SEC16B: variants seen among roughly 807,000 people sequenced by gnomAD.
SEC16B encodes the protein SEC16 homolog B, endoplasmic reticulum export factor, also known as protein transport protein Sec16B.
In SEC16B, 115 loss-of-function variants were observed where a neutral mutation model predicts 141.8. The ratio of observed to expected loss-of-function variants is 0.81; its 90% CI spans 0.70 to 0.95. The LOEUF (loss-of-function observed/expected upper bound fraction) is 0.95, where lower values mean the gene tolerates loss of function less well. Ranked by LOEUF, SEC16B falls within the 40% of genes least tolerant of loss-of-function variation. SEC16B has a pLI of 0.00. For synonymous variants in SEC16B, 493 were observed against 492.5 expected (o/e 1.00, Z -0.01); for missense variants, 1,291 against 1,312.3 (o/e 0.98, Z 0.25).
At chr1:177,936,589 A>T (rs747585908) in intron 19 of SEC16B, among the ~76,000 whole-genome samples, 3 of 151,884 alleles carry the variant, frequency 2.0e-5, no homozygotes, top group Non-Finnish European at 2.9e-5. Context: ...TTCCAAAGCC[A>T]CTCTTCAGGA....
At chr1:177,974,748 T>C (rs1338240971), upstream of SEC16B, among the ~76,000 whole-genome samples, 7 of 152,104 alleles carry the variant, frequency 4.6e-5, no homozygotes, top group African/African-American at 1.7e-4. Flanking sequence ...AAGAAAAGGG[T>C]TGGGGCTACC....
chr1:177,952,471 G>A (rs1320750092), intron 11 of SEC16B, among the ~76,000 whole-genome samples: 8 of 152,168 alleles, frequency 5.3e-5, no homozygotes, highest in Admixed American at 3.9e-4. Context: ...TGGGTCTGTA[G>A]TGCTTTTGCT....
At chr1:177,961,255 C>T in intron 6 of SEC16B, 1 of 432,824 alleles carries the variant, frequency 2.3e-6, no homozygotes, top group Non-Finnish European at 4.1e-6. Context: ...GACAAAGTTC[C>T]TACATCCAGA....
intron 1 of SEC16B, among the ~76,000 whole-genome samples, chr1:177,978,278 A>C (rs1257422062): frequency 6.6e-6 from 1 of 152,256 alleles, no homozygotes; most frequent in Non-Finnish European, 1.5e-5. Flanking sequence ...TGTACTGTGC[A>C]TGGCCTGTAG....
chr1:177,932,792 T>C lies in SEC16B; in HGVS notation c.2838A>G (p.Ala946=). The C allele has an allele frequency of 6.2e-7, 1 of 1,612,064 alleles. No individual in the cohort carries two copies. Among genetic ancestry groups the C allele is most frequent in the Non-Finnish European group, 8.5e-7 (1 of 1,179,342 alleles). ...DSPDSEETPR[A]SSPHQAGLGL... ...CCAGGCCAGCCTGGTGGGGAGAAGATGCTCTGGGGGTCTCCTGCTTTGTGG... is the reference window on the plus strand; with the variant it reads ...CCAGGCCAGCCTGGTGGGGAGAAGACGCTCTGGGGGTCTCCTGCTTTGTGG... The change falls in exon 23 of 26, where the codon GCA becomes GCG. Residue 946 remains alanine, a synonymous_variant. Transcript: ENST00000308284.
chr1:177,930,016 C>A, intron 25 of SEC16B, 87 bp from the exon 26 acceptor site: 1 of 1,306,726 alleles, frequency 7.7e-7, no homozygotes. Context: ...GCTAGGGCAC[C>A]CTGAGCCTCT....
At position 177,933,567 on chromosome 1, in the gene SEC16B, C is replaced by G; in HGVS notation, c.2641G>C (p.Glu881Gln). 2 of 1,613,952 alleles carry G rather than the reference C, an allele frequency of 1.2e-6. No individual in the cohort carries two copies. The highest frequency in any genetic ancestry group is 1.7e-6 in the Non-Finnish European group (2 of 1,179,840). ...SASSAKEDEKESSDEADKNSP... is the reference protein window; with the variant it reads ...SASSAKEDEKQSSDEADKNSP... Reference sequence around the variant, plus strand: ...TTTTTATCAGCCTCATCAGAGGACTCCTTCTCATCCTCCTTGGCTGAACTG... The same window carrying G: ...TTTTTATCAGCCTCATCAGAGGACTGCTTCTCATCCTCCTTGGCTGAACTG... The change falls in exon 21 of 26, where the codon GAG becomes CAG. Residue 881 changes from glutamate (E) to glutamine (Q), a missense_variant. Around this residue, in one of 3 missense-constraint regions of SEC16B, gnomAD observed 605 missense variants for 614.1 expected, o/e 0.99. Transcript: ENST00000308284.
chr1:177,982,908 G>A (rs1415816495), intron 1 of SEC16B, among the ~76,000 whole-genome samples: 2 of 152,198 alleles, frequency 1.3e-5, no homozygotes, highest in African/African-American at 4.8e-5. Flanking sequence ...AGATATTTAA[G>A]ATGAGTCTGT....
Position 177,967,821 on chromosome 1 carries a change from C to T in SEC16B, c.161G>A (p.Gly54Glu), listed in dbSNP as rs566021928. Residue 54 changes from glycine (G) to glutamate (E), a missense_variant, in exon 2 of 26, where the codon GGG becomes GAG. Coordinates refer to ENST00000308284, the MANE Select transcript of SEC16B (RefSeq NM_033127.4). ...GGGCTCCTGCTGTGGCTGGGGGCTC[C>T]CACGGTTGTCTTGCCATTGGTGAAA... ...ERFHQWQDNR[G>E]SPQPQQEPRA... The T allele has an allele frequency of 3.3e-5, 53 of 1,613,996 alleles. No individual in the cohort carries two copies. In the South Asian group the frequency reaches 5.2e-4, roughly 16 times the overall value.
intron 25 of SEC16B, among the ~76,000 whole-genome samples, chr1:177,930,186 C>A (rs914059472): frequency 6.6e-6 from 1 of 152,162 alleles, no homozygotes; most frequent in East Asian, 1.9e-4. Flanking sequence ...GGGAACTTAG[C>A]TTCTCTCAAA....
At chr1:177,933,969 A>C (rs61816274) in intron 20 of SEC16B, among the ~76,000 whole-genome samples, 34,890 of 150,190 alleles carry the variant, frequency 0.23, 4,156 homozygotes, top group Non-Finnish European at 0.25. Context: ...CCAGAAAACA[A>C]CCCACAGAGG....
intron 6 of SEC16B, 22 bp from the exon 7 acceptor site, chr1:177,960,961 T>C (rs867275): frequency 0.3 from 461,716 of 1,540,116 alleles, 68,703 homozygotes; most frequent in South Asian, 0.38. Flanking sequence ...CAGACACAGA[T>C]GGACATTGTT....
In SEC16B at chr1:177,967,710, C is replaced by T. The variant is rs199997151; in HGVS notation, c.272G>A (p.Gly91Asp). The T allele has an allele frequency of 9.3e-6, 15 of 1,607,628 alleles. No individual in the cohort carries two copies. The highest frequency in any genetic ancestry group is 1.2e-5 in the Non-Finnish European group (14 of 1,175,198). The change falls in exon 2 of 26, where the codon GGT becomes GAT. Residue 91 changes from glycine (G) to aspartate (D), a missense_variant. Physicochemically the swap from Gly to Asp is moderately conservative, Grantham distance 94. Around this residue, in one of 3 missense-constraint regions of SEC16B, gnomAD observed 681 missense variants for 675.5 expected, o/e 1.01. Coordinates refer to ENST00000308284, the MANE Select transcript of SEC16B (RefSeq NM_033127.4). ...TGAATACAACTGATTGCGATAACCA[C>T]CTTCGTAATAGTCAACTCCAGACAC... ...QPVSGVDYYE[G>D]GYRNQLYSRP... is the part of the protein sequence containing the mutation.
chr1:177,938,767 G>T (rs117169935), intron 18 of SEC16B, among the ~76,000 whole-genome samples: 1 of 152,258 alleles, frequency 6.6e-6, no homozygotes, highest in East Asian at 1.9e-4. Flanking sequence ...ATGGACATGG[G>T]TATTTAAAAC....
rs61635250 is a variant in SEC16B at position 177,949,383 on chromosome 1, AACACACACACAC to A, written c.1546-1453_1546-1442del. Among the ~76,000 whole-genome samples, 771 of 136,844 alleles carry A rather than the reference AACACACACACAC, an allele frequency of 5.6e-3. 16 individuals are homozygous for A. Among genetic ancestry groups the A allele is most frequent in the African/African-American group, 0.017 (603 of 34,910 alleles). 89.8% of individuals were successfully genotyped at this position (136,844 alleles called of 152,430 possible). ...CAAAAGGGAAGGAAATCCCTTGCTA[AACACACACACAC>A]ACACACACACACACACACACACACA... On this transcript the variant is annotated intron_variant, in intron 12 of 25. Transcript: ENST00000308284.
chr1:177,977,160 G>A (rs1654199511), intron 1 of SEC16B, among the ~76,000 whole-genome samples: 1 of 152,106 alleles, frequency 6.6e-6, no homozygotes, highest in African/African-American at 2.4e-5. Context: ...CAATGGGACA[G>A]ATACACATAC....
chr1:177,959,064 T>A lies in SEC16B; in HGVS notation c.999-89A>T, dbSNP rs567064948. 3 of 1,380,090 alleles carry A rather than the reference T, an allele frequency of 2.2e-6. No individual in the cohort carries two copies. The African/African-American group carries it at 4.3e-5, about 20-fold the overall frequency. 85.5% of individuals were successfully genotyped at this position (1,380,090 alleles called of 1,614,324 possible). On this transcript the variant is annotated intron_variant, in intron 8 of 25. Coordinates refer to ENST00000308284, the MANE Select transcript of SEC16B (RefSeq NM_033127.4). ...AGGCTCCTCCTAAGTGTGCAAGTGCTGGCTGGGCTGTGATTGAGATAGAAA... is the reference window on the plus strand; with the variant it reads ...AGGCTCCTCCTAAGTGTGCAAGTGCAGGCTGGGCTGTGATTGAGATAGAAA...
rs1653678867 is a variant in SEC16B, at chr1:177,967,906, C to G, written c.76G>C (p.Gly26Arg). 6.2e-7 allele frequency: 1 copy of G among 1,613,894 alleles called. No homozygotes were observed. Among genetic ancestry groups the G allele is most frequent in the African/African-American group, 1.3e-5 (1 of 74,926 alleles). ...CGATGATGTCCATCTCTCCGAAACC[C>G]TCGGTCTGGATCCTTTGAGGGTGCT... ...ATAPSKDPDR[G>R]FRRDGHHRPV... The change falls in exon 2 of 26, where the codon GGG becomes CGG. Residue 26 changes from glycine to arginine, a missense_variant. Gly to Arg is a moderately radical substitution (Grantham distance 125). Around this residue, in one of 3 missense-constraint regions of SEC16B, gnomAD observed 681 missense variants for 675.5 expected, o/e 1.01. Transcript: ENST00000308284.
intron 4 of SEC16B, 148 bp from the exon 5 acceptor site, chr1:177,964,427 C>A (rs1653342290): frequency 1.8e-6 from 1 of 568,360 alleles, no homozygotes; most frequent in South Asian, 2.3e-5. Flanking sequence ...TCCTCCTACT[C>A]ACCACCTCAA....
Sources: allele counts gnomAD v4.1 joint callset (sites outside exome capture counted in the v4.1 genomes callset), GRCh38; gene constraint gnomAD v4.1.1; regional missense constraint gnomAD v4.1.1; transcripts MANE v1.5; gene names NCBI Gene and HGNC (gene_info 2026-07-23, HGNC 2026-07-21).